CERK: variants seen among roughly 807,000 people sequenced by gnomAD.
CERK encodes ceramide kinase.
A neutral mutation model predicts 63.4 loss-of-function variants in CERK; 39 were observed. The ratio of observed to expected loss-of-function variants is 0.61; its 90% confidence interval spans 0.48 to 0.80. The LOEUF is 0.80. Among genes scored for constraint, CERK ranks in the 30% least tolerant of loss-of-function variants. The pLI, the probability that CERK is intolerant of heterozygous loss-of-function variation, is 0.00. For synonymous variants in CERK, 302 were observed against 280.0 expected, an observed-to-expected ratio of 1.08 and a Z score of -0.78; for missense variants, 670 against 714.1, an observed-to-expected ratio of 0.94 and a Z score of 0.70.
chr22:46,693,429 G>A lies in CERK; in HGVS notation c.1124C>T (p.Ala375Val), dbSNP rs747446564. ...QKKALYGLEAAEDVEEWQVVC... is the reference protein window; with the variant it reads ...QKKALYGLEAVEDVEEWQVVC... The stretch of plus-strand genomic sequence containing the variant: ...TGAGCCTGTGTTTTAGGAATTACCC[G>A]CAGCTTCCAAACCATACAGTGCTTT... Residue 375 changes from alanine to valine, a missense_variant and splice_region_variant, in exon 10 of 13, where the codon GCG (alanine) becomes GTG (valine). Physicochemically the swap from Ala to Val is moderately conservative, Grantham distance 64. Transcript: ENST00000216264. The A allele has an allele frequency of 6.2e-6, 10 of 1,613,564 alleles. No homozygotes were observed. The highest frequency in any genetic ancestry group is 5.1e-6 in the Non-Finnish European group (6 of 1,179,646).
intron 1 of CERK, among the ~76,000 whole-genome samples, chr22:46,735,811 C>T (rs2082970361): frequency 2.0e-5 from 3 of 152,172 alleles, no homozygotes; most frequent in Non-Finnish European, 4.4e-5. Flanking sequence ...CTACTATGGC[C>T]CTACTGACCT....
rs1010367801 is a variant in CERK, at chr22:46,692,922, A to G, written c.1126+505T>C. On this transcript the variant is annotated intron_variant, in intron 10 of 12. Coordinates refer to ENST00000216264, the MANE Select transcript of CERK (RefSeq NM_022766.6). ...CTCCATCCAAAAAAAAAAAAAAAAA[A>G]AAGAAGAGAAAGAGAAAAAAATCAA... Among the ~76,000 whole-genome samples, 27 of 149,324 alleles carry G rather than the reference A, an allele frequency of 1.8e-4. 1 individual carries two copies. The highest frequency in any genetic ancestry group is 8.6e-4 in the Admixed American group (13 of 15,114).
chr22:46,712,590 G>T (rs1001043564), intron 3 of CERK, among the ~76,000 whole-genome samples: 1 of 152,200 alleles, frequency 6.6e-6, no homozygotes, highest in Non-Finnish European at 1.5e-5. Context: ...GTGCTGTCGG[G>T]TACACATGCT....
intron 3 of CERK, among the ~76,000 whole-genome samples, chr22:46,712,590 G>A (rs1001043564): frequency 6.6e-6 from 1 of 152,200 alleles, no homozygotes; most frequent in African/African-American, 2.4e-5. Context: ...GTGCTGTCGG[G>A]TACACATGCT....
chr22:46,709,816 A>C (rs2146566794), intron 5 of CERK, among the ~76,000 whole-genome samples: 1 of 152,336 alleles, frequency 6.6e-6, no homozygotes, highest in African/African-American at 2.4e-5. Flanking sequence ...GAGTACATGA[A>C]TTTGAAAACT....
At chr22:46,729,984 A>G (rs1444227245) in intron 1 of CERK, among the ~76,000 whole-genome samples, 3 of 151,964 alleles carry the variant, frequency 2.0e-5, no homozygotes, top group Non-Finnish European at 4.4e-5. Context: ...GCTTGCAGTG[A>G]GCCAAGATCG....
Position 46,706,008 on chromosome 22 carries a change from A to G in CERK, c.715+1835T>C, listed in dbSNP as rs181443313. Among the ~76,000 whole-genome samples the G allele has an allele frequency of 3.3e-5, 5 of 152,356 alleles. No individual in the cohort carries two copies. In the East Asian group the frequency reaches 9.6e-4, roughly 29 times the overall value. On this transcript the variant is annotated intron_variant, in intron 6 of 12. Coordinates refer to ENST00000216264, the MANE Select transcript of CERK (RefSeq NM_022766.6). ...AGCCACGATCATGCCACTGCACTCC[A>G]AACTAGGTGACAGAGTGAGACCCAG...
At position 46,699,297 on chromosome 22, in the gene CERK, C is replaced by A; in HGVS notation, c.943+16G>T. ...GCACGACCAGCGGGGAGCGAGTCTG[C>A]ATTATTCTGAGTTACCTGAAAAGTC... On this transcript the variant is annotated intron_variant, in intron 8 of 12. Transcript: ENST00000216264. 1.2e-6 allele frequency: 2 copies of A among 1,613,702 alleles called. No homozygotes were observed. Among genetic ancestry groups the A allele is most frequent in the Non-Finnish European group, 1.7e-6 (2 of 1,179,656 alleles).
At chr22:46,720,859 A>G (rs766397513) in intron 2 of CERK, 43 bp downstream of exon 2, 3 of 1,193,950 alleles carry the variant, frequency 2.5e-6, no homozygotes, top group Non-Finnish European at 3.8e-6. Flanking sequence ...TAATCTACAT[A>G]GAATTAATGA....
rs1383140803 is a variant in CERK, at chr22:46,738,179, G to C, written c.-31C>G. 1 of 1,128,612 alleles carries C rather than the reference G, an allele frequency of 8.9e-7. No individual in the cohort carries two copies. The allele number at this position is 1,128,612 out of a possible 1,614,324, so 69.9% of individuals were successfully genotyped here. On this transcript the variant is annotated 5_prime_UTR_variant, in exon 1 of 13. Transcript: ENST00000216264. ...CCGCCGGGCTCGTCCGCCAGGCTGG[G>C]GGCGCGCGGACGCCGAGGGGCGCCG...
At chr22:46,697,938 A>G (rs135679) in intron 8 of CERK, among the ~76,000 whole-genome samples, 81,488 of 151,962 alleles carry the variant, frequency 0.54, 23,259 homozygotes, top group African/African-American at 0.73. Flanking sequence ...TTCATTCTAA[A>G]CTCTGTGGTC....
chr22:46,731,441 C>G (rs1052475054), intron 1 of CERK, among the ~76,000 whole-genome samples: 1 of 152,222 alleles, frequency 6.6e-6, no homozygotes, highest in Non-Finnish European at 1.5e-5. Flanking sequence ...CCGCTGCCAA[C>G]AAGGCTGAGG....
chr22:46,731,121 C>T (rs896118377), intron 1 of CERK, among the ~76,000 whole-genome samples: 1 of 152,268 alleles, frequency 6.6e-6, no homozygotes, highest in African/African-American at 2.4e-5. Context: ...TCAGCGCCAG[C>T]TGGTAAAAAG....
intron 12 of CERK, among the ~76,000 whole-genome samples, chr22:46,688,610 G>C (rs1326591212): frequency 6.6e-6 from 1 of 152,248 alleles, no homozygotes; most frequent in African/African-American, 2.4e-5. Flanking sequence ...AGCTTTCTTA[G>C]AGCCGCAGCT....
chr22:46,731,132 C>T (rs2082943391), intron 1 of CERK, among the ~76,000 whole-genome samples: 1 of 152,258 alleles, frequency 6.6e-6, no homozygotes, highest in Non-Finnish European at 1.5e-5. Flanking sequence ...TGGTAAAAAG[C>T]CTCATGCCCA....
chr22:46,692,882 G>A (rs2082738303), intron 10 of CERK, among the ~76,000 whole-genome samples: 1 of 145,804 alleles, frequency 6.9e-6, no homozygotes, highest in South Asian at 2.2e-4. Flanking sequence ...TCTAGCCTGG[G>A]CGACAAGAGT....
intron 3 of CERK, among the ~76,000 whole-genome samples, chr22:46,713,504 ATCTC>A (rs2082852372): frequency 1.5e-5 from 2 of 131,922 alleles, no homozygotes; most frequent in Non-Finnish European, 1.6e-5. Flanking sequence ...GTGAGACTTC[ATCTC>A]AAAAAAAAAA....
rs59207182 is a variant in CERK at position 46,734,067 on chromosome 22, CATATAT to C, written c.142+3934_142+3939del. On this transcript the variant is annotated intron_variant, in intron 1 of 12. Transcript: ENST00000216264. ...AAAATATGTTATATATACATACATA[CATATAT>C]ATATATATATATATACATTTTCCTA... Among the ~76,000 whole-genome samples the C allele has an allele frequency of 4.7e-3, 690 of 145,402 alleles. 5 individuals are homozygous for C. Among genetic ancestry groups the C allele is most frequent in the African/African-American group, 0.017 (653 of 39,544 alleles).
intron 6 of CERK, among the ~76,000 whole-genome samples, chr22:46,702,178 A>AC: frequency 4.1e-5 from 1 of 24,414 alleles, no homozygotes; most frequent in Admixed American, 3.4e-4. Context: ...ACTTCGTCTC[A>AC]AAAAAAAAAA....
Sources: allele counts gnomAD v4.1 joint callset (sites outside exome capture counted in the v4.1 genomes callset), GRCh38; gene constraint gnomAD v4.1.1; transcripts MANE v1.5; gene names NCBI Gene and HGNC (gene_info 2026-07-23, HGNC 2026-07-21).